Variants in RAPGEF1 observed in about 807,000 individuals in gnomAD.
The protein encoded by RAPGEF1 is CRK SH3-binding GNRP.
In RAPGEF1, 33 loss-of-function variants were observed where a neutral mutation model predicts 143.3. The observed-to-expected ratio is 0.23, with a 90% CI of 0.17 to 0.31. RAPGEF1 has a LOEUF of 0.31. Ranked by LOEUF, RAPGEF1 falls within the 10% of genes least tolerant of loss-of-function variation. The pLI is 1.00. For synonymous variants in RAPGEF1, 629 were observed against 676.5 expected, an observed-to-expected ratio of 0.93 and a Z score of 1.09; for missense variants, 1,199 against 1,645.4, an observed-to-expected ratio of 0.73 and a Z score of 4.69.
chr9:131,677,958 A>G (rs1455872237), intron 1 of RAPGEF1, among the ~76,000 whole-genome samples: 3 of 152,224 alleles, frequency 2.0e-5, no homozygotes, highest in African/African-American at 7.2e-5. Flanking sequence ...CAGAGTTCTC[A>G]CCCAGAGCAC....
At chr9:131,712,100 C>T (rs1415250753) in intron 1 of RAPGEF1, among the ~76,000 whole-genome samples, 1 of 152,172 alleles carries the variant, frequency 6.6e-6, no homozygotes, top group Non-Finnish European at 1.5e-5. Context: ...GTGTCTGTCG[C>T]ACCGTCTCCA....
intron 15 of RAPGEF1, among the ~76,000 whole-genome samples, chr9:131,601,684 T>C (rs756758011): frequency 9.2e-5 from 14 of 152,064 alleles, no homozygotes; most frequent in Admixed American, 7.2e-4. Flanking sequence ...TGTGGGAGGA[T>C]CGCTTGAAGC....
intron 12 of RAPGEF1, among the ~76,000 whole-genome samples, chr9:131,613,886 T>C (rs546757358): frequency 1.4e-4 from 21 of 152,096 alleles, no homozygotes; most frequent in Admixed American, 4.6e-4. Context: ...CTTGAGGGTA[T>C]AGACTTGTAG....
chr9:131,664,540 T>G (rs1221124698), intron 1 of RAPGEF1, among the ~76,000 whole-genome samples: 1 of 144,284 alleles, frequency 6.9e-6, no homozygotes, highest in Non-Finnish European at 1.6e-5. Flanking sequence ...GATTCCATAT[T>G]TGCAGCTCCC....
chr9:131,719,882 C>CTT (rs1836140648), intron 1 of RAPGEF1, among the ~76,000 whole-genome samples: 1 of 136,700 alleles, frequency 7.3e-6, no homozygotes, highest in African/African-American at 2.9e-5. Context: ...TCTTTTCTTT[C>CTT]TTTCTTTTTT....
At chr9:131,660,534 T>G (rs1157744291) in intron 1 of RAPGEF1, among the ~76,000 whole-genome samples, 1 of 151,716 alleles carries the variant, frequency 6.6e-6, no homozygotes, top group Non-Finnish European at 1.5e-5. Context: ...GCAACCACAG[T>G]GTATTTATGC....
intron 1 of RAPGEF1, among the ~76,000 whole-genome samples, chr9:131,669,028 C>T (rs764660953): frequency 6.6e-6 from 1 of 152,224 alleles, no homozygotes; most frequent in Non-Finnish European, 1.5e-5. Context: ...TCCTGCTCTC[C>T]AGTGCAGTGC....
At chr9:131,665,905 C>T (rs1013973442) in intron 1 of RAPGEF1, among the ~76,000 whole-genome samples, 1 of 152,192 alleles carries the variant, frequency 6.6e-6, no homozygotes, top group Non-Finnish European at 1.5e-5. Flanking sequence ...TTTCAGAATT[C>T]AGGGGACAGA....
intron 9 of RAPGEF1, among the ~76,000 whole-genome samples, chr9:131,627,226 A>AAAAAAAAAAAAAAAAG: frequency 1.5e-5 from 1 of 65,968 alleles, no homozygotes; most frequent in African/African-American, 4.3e-5. Context: ...AAAAAAAAAA[A>AAAAAAAAAAAAAAAAG]AAAAAAAAAA....
chr9:131,704,565 T>C (rs1170276867), intron 1 of RAPGEF1, among the ~76,000 whole-genome samples: 1 of 152,116 alleles, frequency 6.6e-6, no homozygotes, highest in Non-Finnish European at 1.5e-5. Flanking sequence ...ATCATTAACA[T>C]TTCCATTTAC....
intron 1 of RAPGEF1, among the ~76,000 whole-genome samples, chr9:131,652,333 C>T (rs1334280831): frequency 6.6e-6 from 1 of 152,072 alleles, no homozygotes; most frequent in Non-Finnish European, 1.5e-5. Context: ...TCACCACAGC[C>T]TGGAATTCCT....
chr9:131,584,353 C>A lies in RAPGEF1; in HGVS notation c.3372G>T (p.Ser1124=). Residue 1124 remains serine, a synonymous_variant, in exon 24 of 27, where the codon TCG becomes TCT. Transcript: ENST00000683357. This position sits in a 1 kb window ranked among gnomAD's most constrained non-coding sequence, Gnocchi z 6.8. ...SYLAILSALD[S]APIRRLEWQK... is the part of the protein sequence containing the mutation. ...GCCACTCCAGCCTGCGGATGGGCGC[C>A]GAGTCCAGGGCAGAGAGGATGGCCA... is the stretch of plus-strand genomic sequence containing the variant. The A allele has an allele frequency of 6.2e-7, 1 of 1,613,662 alleles. No homozygotes were observed. Among genetic ancestry groups the A allele is most frequent in the East Asian group, 2.2e-5 (1 of 44,866 alleles).
chr9:131,621,846 C>G lies in RAPGEF1; in HGVS notation c.1855G>C (p.Val619Leu). The change falls in exon 11 of 27, where the codon GTG becomes CTG. Residue 619 changes from valine (V) to leucine (L), a missense_variant. Transcript: ENST00000683357. The surrounding 1 kb of genome is among the most constrained non-coding windows in gnomAD (Gnocchi z 4.5). ...GCGGGCGGCGGGGCCAGCTCCTGCA[C>G]GGAGTCCACCCCACTGAAGGAGTCG... ...FSDSFSGVDSVQELAPPPALP... is the reference protein window; with the variant it reads ...FSDSFSGVDSLQELAPPPALP... The G allele has an allele frequency of 7.4e-6, 12 of 1,611,342 alleles. No homozygotes were observed. The highest frequency in any genetic ancestry group is 1.0e-5 in the Non-Finnish European group (12 of 1,178,860).
intron 1 of RAPGEF1, among the ~76,000 whole-genome samples, chr9:131,688,159 T>C (rs1833503948): frequency 6.6e-6 from 1 of 152,226 alleles, no homozygotes; most frequent in African/African-American, 2.4e-5. Context: ...ATGCTGGAGA[T>C]GCCGTGCCAG....
chr9:131,645,801 C>T (rs1254799862), intron 3 of RAPGEF1, among the ~76,000 whole-genome samples: 5 of 152,318 alleles, frequency 3.3e-5, no homozygotes, highest in Admixed American at 2.6e-4. Context: ...CATCATTGGT[C>T]CACATAAGCC....
intron 1 of RAPGEF1, among the ~76,000 whole-genome samples, chr9:131,720,956 T>G (rs1836219876): frequency 6.6e-6 from 1 of 152,212 alleles, no homozygotes. Context: ...CTTAAGATAA[T>G]GTGATCTGGT....
At chr9:131,623,918 C>T (rs1362970694) in intron 10 of RAPGEF1, among the ~76,000 whole-genome samples, 1 of 152,214 alleles carries the variant, frequency 6.6e-6, no homozygotes, top group African/African-American at 2.4e-5. Context: ...AATTTTGAGG[C>T]ATTTTCCACA....
intron 1 of RAPGEF1, among the ~76,000 whole-genome samples, chr9:131,734,922 C>T (rs1837320787): frequency 6.6e-6 from 1 of 152,250 alleles, no homozygotes; most frequent in Non-Finnish European, 1.5e-5. Flanking sequence ...CCTGTGGCCA[C>T]TTTAGCAGGC....
intron 1 of RAPGEF1, among the ~76,000 whole-genome samples, chr9:131,669,750 G>A (rs1365142586): frequency 6.6e-6 from 1 of 152,196 alleles, no homozygotes; most frequent in East Asian, 1.9e-4. Context: ...AACCCCCACG[G>A]GAGGCTCCTG....
Sources: allele counts gnomAD v4.1 joint callset (sites outside exome capture counted in the v4.1 genomes callset), GRCh38; gene constraint gnomAD v4.1.1; non-coding constraint Gnocchi (gnomAD v3.1); transcripts MANE v1.5; gene names NCBI Gene and HGNC (gene_info 2026-07-23, HGNC 2026-07-21).